Variants in CSMD1 observed in about 807,000 individuals in gnomAD.
CSMD1 encodes the protein CUB and sushi domain-containing protein 1.
In CSMD1, 213 loss-of-function variants were observed where a neutral mutation model predicts 417.5. That is an observed-to-expected ratio of 0.51 (90% CI 0.46 to 0.57). CSMD1 has a LOEUF of 0.57. Among genes scored for constraint, CSMD1 ranks in the 20% least tolerant of loss-of-function variants. CSMD1 has a pLI of 0.00. For missense variants in CSMD1, 6,923 were observed against 4,529.7 expected, an observed-to-expected ratio of 1.53 and a Z score of -15.17; for synonymous variants, 2,862 against 1,736.8, an observed-to-expected ratio of 1.65 and a Z score of -16.11.
At position 3,409,566 on chromosome 8, in the gene CSMD1, G is replaced by C. The variant is rs746714804; in HGVS notation, c.1601C>G (p.Ala534Gly). 1.2e-6 allele frequency: 2 copies of C among 1,608,992 alleles called. No homozygotes were observed. Among genetic ancestry groups the C allele is most frequent in the African/African-American group, 1.3e-5 (1 of 74,826 alleles). ...ACTGCTGCCCGTCCGCTTCCCATAG[G>C]CGGGGATTCCAGGATCCCCACACCC... ...KGGCGDPGIP[A>G]YGKRTGSSFL... is the part of the protein sequence containing the mutation. The change falls in exon 13 of 70, where the codon GCC becomes GGC. Residue 534 changes from alanine to glycine, a missense_variant. Ala to Gly is a moderately conservative substitution (Grantham distance 60). Transcript: ENST00000635120.
chr8:4,925,783 G>A (rs766739393), intron 1 of CSMD1, among the ~76,000 whole-genome samples: 9 of 152,170 alleles, frequency 5.9e-5, no homozygotes, highest in East Asian at 1.9e-4. Flanking sequence ...TCCTGACCTC[G>A]TGATCCGCCC....
chr8:4,388,115 C>T (rs77105651), intron 3 of CSMD1, among the ~76,000 whole-genome samples: 10,941 of 152,110 alleles, frequency 0.072, 429 homozygotes, highest in Middle Eastern at 0.14. Flanking sequence ...CTGTCTCTGC[C>T]CAGCTAAATG....
At chr8:3,978,500 C>T (rs149220164) in intron 5 of CSMD1, among the ~76,000 whole-genome samples, 4 of 152,268 alleles carry the variant, frequency 2.6e-5, no homozygotes, top group South Asian at 2.1e-4. Context: ...TACTTCAATA[C>T]ATTCTACCAC....
chr8:3,971,613 C>A (rs375805947), intron 5 of CSMD1, among the ~76,000 whole-genome samples: 1 of 152,108 alleles, frequency 6.6e-6, no homozygotes, highest in South Asian at 2.1e-4. Flanking sequence ...ACGGTCACTT[C>A]TACTTCTATT....
At chr8:4,623,532 A>G (rs1243245849) in intron 2 of CSMD1, among the ~76,000 whole-genome samples, 2 of 152,030 alleles carry the variant, frequency 1.3e-5, no homozygotes, top group Non-Finnish European at 2.9e-5. Flanking sequence ...TATGCAAATA[A>G]TCAAAGGAGC....
chr8:3,728,218 G>C (rs563787805), intron 6 of CSMD1, among the ~76,000 whole-genome samples: 2 of 152,236 alleles, frequency 1.3e-5, no homozygotes, highest in East Asian at 3.9e-4. Context: ...TGATCTGATG[G>C]TTTTACAAAG....
chr8:4,630,693 A>C (rs1190383725), intron 2 of CSMD1, among the ~76,000 whole-genome samples: 1 of 152,158 alleles, frequency 6.6e-6, no homozygotes, highest in South Asian at 2.1e-4. Flanking sequence ...GAGTGGACCA[A>C]ACACCTCTGC....
intron 3 of CSMD1, among the ~76,000 whole-genome samples, chr8:4,240,449 A>C (rs1802328173): frequency 6.6e-6 from 1 of 152,214 alleles, no homozygotes; most frequent in South Asian, 2.1e-4. Context: ...TTGTGAACTT[A>C]TTTCCACATC....
In CSMD1 at chr8:4,834,828, G is replaced by A. The variant is rs1199998223; in HGVS notation, c.85+159504C>T. Among the ~76,000 whole-genome samples the A allele has an allele frequency of 3.5e-4, 53 of 151,100 alleles. 1 individual carries two copies. The highest frequency in any genetic ancestry group is 2.5e-3 in the South Asian group (12 of 4,764). ...AAAAATTAGCCGGGCGTGGTGGTGG[G>A]CGCCTGTAATCCCAGCTACTTGGGA... On this transcript the variant is annotated intron_variant, in intron 1 of 69. Transcript: ENST00000635120.
At chr8:4,425,446 A>G (rs1482753741) in intron 2 of CSMD1, among the ~76,000 whole-genome samples, 2 of 151,924 alleles carry the variant, frequency 1.3e-5, no homozygotes, top group African/African-American at 4.8e-5. Flanking sequence ...AGTGGATCCA[A>G]TTGATCATAA....
chr8:3,985,563 G>T (rs1272803350), intron 5 of CSMD1, among the ~76,000 whole-genome samples: 1 of 152,140 alleles, frequency 6.6e-6, no homozygotes, highest in Admixed American at 6.5e-5. Flanking sequence ...CTCTACTATG[G>T]AATAATAACA....
intron 10 of CSMD1, among the ~76,000 whole-genome samples, chr8:3,532,094 C>G (rs747595338): frequency 1.3e-5 from 2 of 152,176 alleles, no homozygotes; most frequent in Admixed American, 1.3e-4. Context: ...CCCCTACATT[C>G]CACTTTGAGA....
intron 12 of CSMD1, among the ~76,000 whole-genome samples, chr8:3,413,328 T>C (rs1238800542): frequency 3.3e-5 from 5 of 152,110 alleles, no homozygotes; most frequent in Admixed American, 6.6e-5. Context: ...AGAAATTAAA[T>C]GAGGGTGAGG....
intron 37 of CSMD1, among the ~76,000 whole-genome samples, chr8:3,177,198 C>T (rs1820991372): frequency 6.6e-6 from 1 of 152,190 alleles, no homozygotes; most frequent in South Asian, 2.1e-4. Flanking sequence ...TAAACACCAA[C>T]TGTCGCAAGT....
In CSMD1 at chr8:3,586,062, A is replaced by C; in HGVS notation, c.1222+74T>G. Reference sequence around the variant, plus strand: ...TTCCCATACACAATGCTTCATGCTTAAATTGTATATTCATAAAAATGCCAA... The same window carrying C: ...TTCCCATACACAATGCTTCATGCTTCAATTGTATATTCATAAAAATGCCAA... On this transcript the variant is annotated intron_variant, in intron 9 of 69. Transcript: ENST00000635120. The C allele has an allele frequency of 2.0e-6, 3 of 1,467,260 alleles. No homozygotes were observed. In the South Asian group the frequency reaches 3.9e-5, roughly 19 times the overall value. 90.9% of individuals were successfully genotyped at this position (1,467,260 alleles called of 1,614,324 possible). A position where few individuals can be genotyped will look rare whatever the true frequency, so the allele number is the denominator to read the frequency against.
chr8:4,269,060 G>C (rs1804403884), intron 3 of CSMD1, among the ~76,000 whole-genome samples: 3 of 152,164 alleles, frequency 2.0e-5, no homozygotes, highest in South Asian at 4.2e-4. Flanking sequence ...TCGTCTTTTT[G>C]TTGTTTTTGT....
chr8:4,630,219 T>C (rs1361883995), intron 2 of CSMD1, among the ~76,000 whole-genome samples: 1 of 151,810 alleles, frequency 6.6e-6, no homozygotes, highest in Non-Finnish European at 1.5e-5. Context: ...AATTTCTAAT[T>C]ACTAGTCATT....
At chr8:4,216,593 A>G (rs2128805394) in intron 3 of CSMD1, among the ~76,000 whole-genome samples, 1 of 152,296 alleles carries the variant, frequency 6.6e-6, no homozygotes. Context: ...CTCCAGATGG[A>G]AGGTGCTGAG....
intron 1 of CSMD1, among the ~76,000 whole-genome samples, chr8:4,859,136 G>C (rs1160413510): frequency 1.3e-5 from 2 of 152,018 alleles, no homozygotes; most frequent in Non-Finnish European, 2.9e-5. Flanking sequence ...TCTGATCTTT[G>C]ACAAACCTGA....
Sources: gnomAD v4.1 joint callset for allele counts (sites outside exome capture counted in the v4.1 genomes callset) on GRCh38, gnomAD v4.1.1 for gene constraint, MANE v1.5 for transcripts, NCBI Gene and HGNC (gene_info 2026-07-23, HGNC 2026-07-21) for gene names.